The following SLC9A4 variants were observed in gnomAD, a reference collection of about 807,000 sequenced individuals.
SLC9A4 encodes the protein sodium/hydrogen exchanger 4.
Under a neutral mutation model 67.4 loss-of-function variants are expected in SLC9A4, and 63 were observed. The ratio of observed to expected loss-of-function variants is 0.93; its 90% confidence interval spans 0.76 to 1.15. SLC9A4 has a LOEUF of 1.15. Among genes scored for constraint, SLC9A4 ranks in the 50% most tolerant of loss-of-function variants. The pLI is 0.00. For missense variants in SLC9A4, 1,089 were observed against 987.7 expected (o/e 1.10, Z -1.38); for synonymous variants, 393 against 367.2 (o/e 1.07, Z -0.80).
chr2:102,497,934 G>C (rs529592866), intron 2 of SLC9A4, among the ~76,000 whole-genome samples: 1 of 152,328 alleles, frequency 6.6e-6, no homozygotes, highest in South Asian at 2.1e-4. Flanking sequence ...GTCTCTGTGT[G>C]TTAAAAGGGC....
At chr2:102,532,194 G>C (rs894426751) in intron 11 of SLC9A4, 136 bp from the exon 12 acceptor site, 4 of 946,836 alleles carry the variant, frequency 4.2e-6, no homozygotes, top group African/African-American at 3.3e-5. Context: ...AAATTGTGCT[G>C]ATAAGAAAGT....
intron 2 of SLC9A4, among the ~76,000 whole-genome samples, chr2:102,479,904 G>A (rs926458633): frequency 4.6e-5 from 7 of 152,192 alleles, no homozygotes; most frequent in Non-Finnish European, 1.0e-4. Context: ...ACAGGCTTGA[G>A]CAACACCCAG....
intron 9 of SLC9A4, among the ~76,000 whole-genome samples, chr2:102,524,458 A>T: frequency 6.6e-6 from 1 of 152,086 alleles, no homozygotes; most frequent in East Asian, 1.9e-4. Flanking sequence ...AAATTGATTC[A>T]GTTTGAAGGA....
At chr2:102,531,207 T>A (rs1188564548) in intron 11 of SLC9A4, among the ~76,000 whole-genome samples, 1 of 151,708 alleles carries the variant, frequency 6.6e-6, no homozygotes, top group East Asian at 1.9e-4. Context: ...GGACTACAGG[T>A]GCCCACCACC....
Position 102,532,966 on chromosome 2 carries a change from T to A in SLC9A4, c.*278T>A, listed in dbSNP as rs796720517. 33 of 305,340 alleles carry A rather than the reference T, an allele frequency of 1.1e-4. No individual in the cohort carries two copies. The highest frequency in any genetic ancestry group is 6.7e-4 in the African/African-American group (32 of 48,104). 18.9% of individuals were successfully genotyped at this position (305,340 alleles called of 1,614,324 possible). The stretch of plus-strand genomic sequence containing the variant: ...TAGTCACTAAGAATTCCTAAGAACT[T>A]TCTATCAAAAGCATTGGATCCAAGC... On this transcript the variant is annotated 3_prime_UTR_variant, in exon 12 of 12. Coordinates refer to ENST00000295269, the MANE Select transcript of SLC9A4 (RefSeq NM_001011552.4).
At chr2:102,523,948 A>T (rs1220885662) in intron 9 of SLC9A4, among the ~76,000 whole-genome samples, 1 of 152,168 alleles carries the variant, frequency 6.6e-6, no homozygotes, top group Non-Finnish European at 1.5e-5. Context: ...CCAAGACTGG[A>T]TGAAGTGCCT....
At chr2:102,526,948 C>T (rs1247228099) in intron 11 of SLC9A4, among the ~76,000 whole-genome samples, 4 of 151,762 alleles carry the variant, frequency 2.6e-5, no homozygotes, top group Non-Finnish European at 2.9e-5. Flanking sequence ...TGTAATATGC[C>T]GTGTTATCTA....
chr2:102,491,402 G>A (rs1684697487), intron 2 of SLC9A4, among the ~76,000 whole-genome samples: 1 of 134,484 alleles, frequency 7.4e-6, no homozygotes. Context: ...AAGAAAAAGA[G>A]GTTTCATGGA....
intron 2 of SLC9A4, among the ~76,000 whole-genome samples, chr2:102,481,336 G>T (rs899889704): frequency 6.6e-6 from 1 of 151,936 alleles, no homozygotes; most frequent in Non-Finnish European, 1.5e-5. Flanking sequence ...GTTTTCTAAT[G>T]CCATGAGCAA....
In SLC9A4 at chr2:102,478,846, C is replaced by A; in HGVS notation, c.264C>A (p.His88Gln). 3 of 1,613,720 alleles carry A rather than the reference C, an allele frequency of 1.9e-6. No homozygotes were observed. Among genetic ancestry groups the A allele is most frequent in the Non-Finnish European group, 2.5e-6 (3 of 1,179,792 alleles). ...CTCTTCGCTGTTCTGCAGGCTTCCA[C>A]CTCTACCACAGGCTGCCAGGCCTCA... ...LLASLAKIGF[H>Q]LYHRLPGLMP... Residue 88 changes from histidine to glutamine, a missense_variant, in exon 2 of 12, where the codon CAC becomes CAA. By Grantham distance (24) the His-to-Gln change is conservative (BLOSUM62 0). Coordinates refer to ENST00000295269, the MANE Select transcript of SLC9A4 (RefSeq NM_001011552.4).
At chr2:102,487,183 G>GTGTGTGTC (rs928566819) in intron 2 of SLC9A4, among the ~76,000 whole-genome samples, 1 of 151,760 alleles carries the variant, frequency 6.6e-6, no homozygotes, top group South Asian at 2.1e-4. Context: ...CAGCTGGTGT[G>GTGTGTGTC]TGTGTGTGTG....
At chr2:102,512,143 C>A in intron 6 of SLC9A4, 60 bp from the exon 7 acceptor site, 1 of 1,583,246 alleles carries the variant, frequency 6.3e-7, no homozygotes, top group Non-Finnish European at 8.7e-7. Flanking sequence ...CTTAGTTGTC[C>A]TGTGTGTCTT....
In SLC9A4 at chr2:102,532,611, C is replaced by T. The variant is rs150347528; in HGVS notation, c.2320C>T (p.Arg774Trp). The change falls in exon 12 of 12, where the codon CGG becomes TGG. Residue 774 changes from arginine (R) to tryptophan (W), a missense_variant. Transcript: ENST00000295269. ...SEGKASLVEV[R>W]SRWTADHGHG... ...GGGCAAGGCCTCTTTGGTTGAGGTT[C>T]GGTCGAGGTGGACAGCTGACCATGG... The T allele has an allele frequency of 8.7e-6, 14 of 1,613,882 alleles. No individual in the cohort carries two copies. The highest frequency in any genetic ancestry group is 1.7e-4 in the Middle Eastern group (1 of 6,036).
chr2:102,501,922 G>A (rs1270179606), intron 2 of SLC9A4, among the ~76,000 whole-genome samples: 1 of 151,998 alleles, frequency 6.6e-6, no homozygotes, highest in Non-Finnish European at 1.5e-5. Flanking sequence ...CACAGCCAGA[G>A]GGGCAATGAG....
chr2:102,503,681 A>T lies in SLC9A4; in HGVS notation c.954A>T (p.Glu318Asp). 1 of 1,614,164 alleles carries T rather than the reference A, an allele frequency of 6.2e-7. No individual in the cohort carries two copies. Among genetic ancestry groups the T allele is most frequent in the South Asian group, 1.1e-5 (1 of 91,084 alleles). Reference protein sequence around the residue: ...MFSYLSYLAAETLYLSGILAI... With the variant: ...MFSYLSYLAADTLYLSGILAI... ...GCTATTTGTCTTACTTAGCTGCTGA[A>T]ACCCTCTATCTCTCCGGCATCCTGG... is the stretch of plus-strand genomic sequence containing the variant. Residue 318 changes from glutamate to aspartate, a missense_variant, in exon 3 of 12, where the codon GAA becomes GAT. By Grantham distance (45) the Glu-to-Asp change is conservative (BLOSUM62 2). Coordinates refer to ENST00000295269, the MANE Select transcript of SLC9A4 (RefSeq NM_001011552.4).
At chr2:102,501,696 G>A (rs915035480) in intron 2 of SLC9A4, among the ~76,000 whole-genome samples, 17 of 152,126 alleles carry the variant, frequency 1.1e-4, no homozygotes, top group South Asian at 2.1e-4. Flanking sequence ...AGGGGTTGGT[G>A]TGCACACAAA....
chr2:102,520,878 T>G (rs1685392328), intron 9 of SLC9A4, among the ~76,000 whole-genome samples: 2 of 152,198 alleles, frequency 1.3e-5, no homozygotes, highest in African/African-American at 4.8e-5. Flanking sequence ...TCTGGACTTA[T>G]ATAATCCAAT....
chr2:102,502,768 G>T (rs910402455), intron 2 of SLC9A4, among the ~76,000 whole-genome samples: 7 of 152,272 alleles, frequency 4.6e-5, no homozygotes, highest in African/African-American at 1.7e-4. Flanking sequence ...GGAGATGGCA[G>T]AGAATCTTCA....
At chr2:102,487,068 C>T (rs1346932899) in intron 2 of SLC9A4, among the ~76,000 whole-genome samples, 1 of 152,182 alleles carries the variant, frequency 6.6e-6, no homozygotes, top group Non-Finnish European at 1.5e-5. Flanking sequence ...GAGTCTGGTG[C>T]CCATCCAGCC....
Sources: allele counts gnomAD v4.1 joint callset (sites outside exome capture counted in the v4.1 genomes callset), GRCh38; gene constraint gnomAD v4.1.1; transcripts MANE v1.5; gene names NCBI Gene and HGNC (gene_info 2026-07-23, HGNC 2026-07-21).